The following OPCML variants were observed in gnomAD, a reference collection of about 807,000 sequenced individuals.
OPCML encodes opioid binding protein/cell adhesion molecule like.
OPCML carries 13 observed loss-of-function variants against 37.8 expected under a neutral mutation model. The observed-to-expected ratio is 0.34, with a 90% CI of 0.22 to 0.55. The LOEUF is 0.55. OPCML is among the 20% of genes least tolerant of loss of function. OPCML has a pLI of 0.91. For synonymous variants in OPCML, 176 were observed against 168.8 expected (o/e 1.04, Z -0.33); for missense variants, 341 against 435.6 (o/e 0.78, Z 1.93).
chr11:133,497,144 A>G (rs1049566878), intron 1 of OPCML, among the ~76,000 whole-genome samples: 1 of 152,054 alleles, frequency 6.6e-6, no homozygotes, highest in Non-Finnish European at 1.5e-5. Context: ...CTTTTTCACC[A>G]ATTATTCTTA....
At chr11:132,563,644 T>C (rs1014940660) in intron 3 of OPCML, among the ~76,000 whole-genome samples, 6 of 152,156 alleles carry the variant, frequency 3.9e-5, no homozygotes, top group African/African-American at 1.4e-4. Context: ...ATTTCACCTT[T>C]TCCTCCCATA....
At chr11:133,508,919 A>G (rs1265170869) in intron 1 of OPCML, among the ~76,000 whole-genome samples, 2 of 151,822 alleles carry the variant, frequency 1.3e-5, no homozygotes, top group African/African-American at 2.4e-5. Flanking sequence ...GTGCTTCCCA[A>G]CGTGCCACTC....
At chr11:133,195,263 G>C (rs1280805050) in intron 1 of OPCML, among the ~76,000 whole-genome samples, 1 of 151,986 alleles carries the variant, frequency 6.6e-6, no homozygotes, top group East Asian at 1.9e-4. Flanking sequence ...CCCTAGCATT[G>C]ACCACCATTA....
chr11:133,208,967 A>G lies in OPCML; in HGVS notation c.62-265957T>C, dbSNP rs559758080. On this transcript the variant is annotated intron_variant, in intron 1 of 7. Transcript: ENST00000524381. The surrounding 1 kb of genome is among the most constrained non-coding windows in gnomAD (Gnocchi z 8.9). ...TACATGGAAACAACAATAATAAAAA[A>G]ATTACCTGAAATGCTGTCCTACATT... Among the ~76,000 whole-genome samples the G allele has an allele frequency of 2.1e-4, 32 of 152,298 alleles. No homozygotes were observed. The highest frequency in any genetic ancestry group is 5.5e-4 in the African/African-American group (23 of 41,554).
At chr11:132,636,587 C>T (rs548688325) in intron 3 of OPCML, among the ~76,000 whole-genome samples, 3 of 152,176 alleles carry the variant, frequency 2.0e-5, no homozygotes, top group South Asian at 2.1e-4. Flanking sequence ...TGGCTTTTCT[C>T]GGAAAAGAAA....
intron 1 of OPCML, chr11:133,298,998 A>G (rs927723659): frequency 1.3e-5 from 2 of 152,188 alleles, no homozygotes; most frequent in Non-Finnish European, 2.9e-5. Flanking sequence ...AGGAAAAAAA[A>G]AAATGAAAGG....
chr11:133,457,388 A>T (rs1289882799), intron 1 of OPCML, among the ~76,000 whole-genome samples: 1 of 151,916 alleles, frequency 6.6e-6, no homozygotes, highest in Non-Finnish European at 1.5e-5. Context: ...AAAATTTAAA[A>T]ATCAACTGGG....
intron 1 of OPCML, among the ~76,000 whole-genome samples, chr11:133,354,250 G>T (rs111805385): frequency 6.3e-4 from 4 of 6,352 alleles, no homozygotes; most frequent in Non-Finnish European, 1.4e-3. Context: ...GGTGATAATG[G>T]TGATAGTGGT....
At chr11:133,124,270 A>C (rs1007811176) in intron 1 of OPCML, among the ~76,000 whole-genome samples, 13 of 152,134 alleles carry the variant, frequency 8.5e-5, no homozygotes, top group African/African-American at 2.9e-4. Context: ...TGACATTTAC[A>C]GTTGTCTCTC....
chr11:133,169,630 G>A (rs556251433), intron 1 of OPCML, among the ~76,000 whole-genome samples: 1 of 152,130 alleles, frequency 6.6e-6, no homozygotes, highest in South Asian at 2.1e-4. Context: ...ATTATTCCAG[G>A]ATCATTTCAA....
intron 1 of OPCML, among the ~76,000 whole-genome samples, chr11:133,324,539 G>C (rs1397545098): frequency 6.6e-6 from 1 of 152,176 alleles, no homozygotes; most frequent in Non-Finnish European, 1.5e-5. Flanking sequence ...CATACTGCTG[G>C]GGAGGGAAGA....
At chr11:132,701,666 C>T (rs1030472601) in intron 2 of OPCML, among the ~76,000 whole-genome samples, 1 of 151,820 alleles carries the variant, frequency 6.6e-6, no homozygotes. Context: ...ATTTATAATG[C>T]ATAATTTTCT....
intron 1 of OPCML, among the ~76,000 whole-genome samples, chr11:133,123,556 C>T (rs542437995): frequency 3.9e-5 from 6 of 152,288 alleles, no homozygotes; most frequent in African/African-American, 1.4e-4. Flanking sequence ...GACGGGTTCC[C>T]CACCTCCCTC....
intron 2 of OPCML, among the ~76,000 whole-genome samples, chr11:132,677,184 T>C (rs568845931): frequency 1.3e-5 from 2 of 152,024 alleles, no homozygotes; most frequent in African/African-American, 4.8e-5. Context: ...TAGATATAAA[T>C]CTAACAAAGT....
chr11:133,178,681 G>A (rs1448776030), intron 1 of OPCML, among the ~76,000 whole-genome samples: 5 of 152,166 alleles, frequency 3.3e-5, no homozygotes, highest in Admixed American at 2.6e-4. Context: ...GTACGCAAAC[G>A]AGCAGCCAGA....
chr11:133,153,382 G>A (rs1950014674), intron 1 of OPCML, among the ~76,000 whole-genome samples: 1 of 152,188 alleles, frequency 6.6e-6, no homozygotes, highest in African/African-American at 2.4e-5. Flanking sequence ...GAACCCAGCT[G>A]CTCAAATGGT....
intron 1 of OPCML, among the ~76,000 whole-genome samples, chr11:133,171,787 G>A (rs1295277633): frequency 6.6e-6 from 1 of 152,230 alleles, no homozygotes; most frequent in Non-Finnish European, 1.5e-5. Context: ...AAACAGCAAA[G>A]GGTGGGGGCT....
intron 4 of OPCML, among the ~76,000 whole-genome samples, chr11:132,463,141 C>T (rs1226015262): frequency 2.0e-5 from 3 of 152,202 alleles, no homozygotes; most frequent in Non-Finnish European, 4.4e-5. Flanking sequence ...TCTGTAAATA[C>T]AATCTTCCAG....
intron 2 of OPCML, among the ~76,000 whole-genome samples, chr11:132,705,624 C>T (rs936150840): frequency 4.6e-5 from 7 of 151,902 alleles, no homozygotes; most frequent in East Asian, 1.9e-4. Context: ...AAAAATTGTA[C>T]GGCAATTCCC....
Sources: gnomAD v4.1 joint callset for allele counts (sites outside exome capture counted in the v4.1 genomes callset) on GRCh38, gnomAD v4.1.1 for gene constraint, Gnocchi (gnomAD v3.1) non-coding constraint, MANE v1.5 for transcripts, NCBI Gene and HGNC (gene_info 2026-07-23, HGNC 2026-07-21) for gene names.